SLC25A28: variants seen among roughly 807,000 people sequenced by gnomAD.
SLC25A28 encodes mitoferrin-2.
A neutral mutation model predicts 31.9 loss-of-function variants in SLC25A28; 10 were observed. That is an observed-to-expected ratio of 0.31 (90% CI 0.19 to 0.53). The LOEUF is 0.53. Ranked by LOEUF, SLC25A28 falls within the 20% of genes least tolerant of loss-of-function variation. SLC25A28 has a pLI of 0.95. For missense variants in SLC25A28, 256 were observed against 490.3 expected (o/e 0.52, Z 4.51); for synonymous variants, 208 against 203.6 (o/e 1.02, Z -0.19).
At chr10:99,617,191 C>A in intron 1 of SLC25A28, 3 of 985,352 alleles carry the variant, frequency 3.0e-6, no homozygotes, top group Non-Finnish European at 3.6e-6. Flanking sequence ...GCAGAATGTC[C>A]CCATAGATAA....
the SLC25A28 span, among the ~76,000 whole-genome samples, chr10:99,632,731 G>C: frequency 6.6e-6 from 1 of 151,924 alleles, no homozygotes; most frequent in African/African-American, 2.4e-5. Flanking sequence ...AGGAACTTTT[G>C]CTTGTTTAGA....
the SLC25A28 span, among the ~76,000 whole-genome samples, chr10:99,649,959 A>G: frequency 6.6e-6 from 1 of 151,884 alleles, no homozygotes; most frequent in Admixed American, 6.6e-5. Flanking sequence ...AATCGTCATT[A>G]TATCTTTTCT....
the SLC25A28 span, among the ~76,000 whole-genome samples, chr10:99,629,370 T>G: frequency 6.6e-6 from 1 of 152,158 alleles, no homozygotes; most frequent in Non-Finnish European, 1.5e-5. Context: ...CCAAAAAACC[T>G]CTTTTCTTTA....
chr10:99,624,286 G>C (rs187065822), upstream of SLC25A28, among the ~76,000 whole-genome samples: 21 of 142,126 alleles, frequency 1.5e-4, no homozygotes, highest in Admixed American at 5.9e-4. Context: ...GTAGAGACAG[G>C]GTCTTGCTAT....
chr10:99,625,577 CCACT>C (rs1471148139), upstream of SLC25A28, among the ~76,000 whole-genome samples: 3 of 152,154 alleles, frequency 2.0e-5, no homozygotes, highest in Non-Finnish European at 4.4e-5. Flanking sequence ...CTCTATGAGA[CCACT>C]CATTTTTTTT....
the SLC25A28 span, among the ~76,000 whole-genome samples, chr10:99,642,241 A>C: frequency 4.0e-5 from 6 of 150,918 alleles, no homozygotes; most frequent in African/African-American, 7.3e-5. Flanking sequence ...CTTTTATTTC[A>C]TTGAGCAGTG....
intron 1 of SLC25A28, 88 bp from the exon 2 acceptor site, chr10:99,614,012 C>T: frequency 1.4e-6 from 2 of 1,398,512 alleles, no homozygotes; most frequent in South Asian, 1.5e-5. Flanking sequence ...CTACATGGAG[C>T]TGTGCCAATC....
chr10:99,625,914 G>T, the SLC25A28 span, among the ~76,000 whole-genome samples: 3 of 152,164 alleles, frequency 2.0e-5, no homozygotes, highest in African/African-American at 4.8e-5. Flanking sequence ...ACACCATGAG[G>T]CATCCTATCA....
the SLC25A28 span, among the ~76,000 whole-genome samples, chr10:99,654,656 A>G: frequency 6.0e-5 from 4 of 66,738 alleles, no homozygotes; most frequent in African/African-American, 2.2e-4. Context: ...ACCCATCTCA[A>G]TAACAACAAC....
chr10:99,631,982 C>T, the SLC25A28 span, among the ~76,000 whole-genome samples: 121 of 143,312 alleles, frequency 8.4e-4, no homozygotes, highest in African/African-American at 2.9e-3. Context: ...CTGCAAGCTC[C>T]GCCTCCCGGG....
chr10:99,636,549 C>G, the SLC25A28 span, among the ~76,000 whole-genome samples: 5 of 152,134 alleles, frequency 3.3e-5, no homozygotes, highest in African/African-American at 1.2e-4. Flanking sequence ...AAGGTCACAT[C>G]TCAAGGAACT....
chr10:99,620,273 C>T lies in SLC25A28; in HGVS notation c.63G>A (p.Arg21=), dbSNP rs2034757095. ...CCAGCAGCGCCGACTCCCCGGGGCTCCGCCCGGGCCCTGCCGCCGGCCCCC... is the reference window on the plus strand; with the variant it reads ...CCAGCAGCGCCGACTCCCCGGGGCTTCGCCCGGGCCCTGCCGCCGGCCCCC... ...VAGGPAAGPG[R]SPGESALLDG... is the part of the protein sequence containing the mutation. Residue 21 remains arginine, a synonymous_variant, in exon 1 of 4, where the codon CGG becomes CGA. Coordinates refer to ENST00000370495, the MANE Select transcript of SLC25A28 (RefSeq NM_031212.4). The T allele has an allele frequency of 8.3e-7, 1 of 1,207,532 alleles. No individual in the cohort carries two copies. Among genetic ancestry groups the T allele is most frequent in the Admixed American group, 4.3e-5 (1 of 23,056 alleles). 74.8% of individuals were successfully genotyped at this position (1,207,532 alleles called of 1,614,324 possible).
At position 99,615,890 on chromosome 10, in the gene SLC25A28, C is replaced by T. The variant is rs941206339; in HGVS notation, c.292-1966G>A. On this transcript the variant is annotated intron_variant, in intron 1 of 3. Transcript: ENST00000370495. ...GGTGTATTTGGCTACCAATTCTGAA[C>T]GGTTTGGCTTCGGAGGCCTGGAACT... 41 of 985,376 alleles carry T rather than the reference C, an allele frequency of 4.2e-5. 1 individual carries two copies. The South Asian group carries it at 1.2e-3, about 28-fold the overall frequency. 61.0% of individuals were successfully genotyped at this position (985,376 alleles called of 1,614,324 possible). A position where few individuals can be genotyped will look rare whatever the true frequency, so the allele number is the denominator to read the frequency against.
At chr10:99,654,136 G>A in the SLC25A28 span, among the ~76,000 whole-genome samples, 1 of 152,180 alleles carries the variant, frequency 6.6e-6, no homozygotes, top group African/African-American at 2.4e-5. Flanking sequence ...ATATGTAAGG[G>A]TTCTGGGTGA....
the SLC25A28 span, among the ~76,000 whole-genome samples, chr10:99,644,325 C>T: frequency 1.3e-5 from 2 of 148,758 alleles, no homozygotes; most frequent in Admixed American, 6.8e-5. Flanking sequence ...ATGTAATGGC[C>T]TTCTTTGTCT....
At chr10:99,623,995 G>T (rs147527316), upstream of SLC25A28, among the ~76,000 whole-genome samples, 1 of 152,182 alleles carries the variant, frequency 6.6e-6, no homozygotes, top group South Asian at 2.1e-4. Context: ...GCAGACTGCA[G>T]TTCTGTAGGT....
the SLC25A28 span, among the ~76,000 whole-genome samples, chr10:99,641,609 T>C: frequency 5.3e-5 from 8 of 152,226 alleles, no homozygotes; most frequent in African/African-American, 1.9e-4. Context: ...TTGTTGCCAT[T>C]ACTTTTGGTG....
chr10:99,633,240 T>G, the SLC25A28 span, among the ~76,000 whole-genome samples: 2,226 of 152,268 alleles, frequency 0.015, 63 homozygotes, highest in African/African-American at 0.05. Context: ...TCCAATTTCT[T>G]ACTACATTTT....
chr10:99,658,693 C>G, the SLC25A28 span, among the ~76,000 whole-genome samples: 5 of 152,054 alleles, frequency 3.3e-5, no homozygotes, highest in Admixed American at 3.3e-4. Flanking sequence ...AGGCAAGTAG[C>G]GGCAGAGGAC....
Sources: allele counts gnomAD v4.1 joint callset (sites outside exome capture counted in the v4.1 genomes callset), GRCh38; gene constraint gnomAD v4.1.1; transcripts MANE v1.5; gene names NCBI Gene and HGNC (gene_info 2026-07-23, HGNC 2026-07-21).